The following CSMD3 variants were observed in gnomAD, a reference collection of about 807,000 sequenced individuals.
The protein encoded by CSMD3 is CUB and Sushi multiple domains 3.
A neutral mutation model predicts 435.2 loss-of-function variants in CSMD3; 177 were observed. The ratio of observed to expected loss-of-function variants is 0.41; its 90% CI spans 0.36 to 0.46. CSMD3 has a LOEUF of 0.46. Among genes scored for constraint, CSMD3 ranks in the 20% least tolerant of loss-of-function variants. The pLI is 0.34. For synonymous variants in CSMD3, 1,656 were observed against 1,520.5 expected (o/e 1.09, Z -2.07); for missense variants, 4,265 against 4,504.6 (o/e 0.95, Z 1.52).
intron 22 of CSMD3, among the ~76,000 whole-genome samples, chr8:112,631,792 T>C (rs764716009): frequency 2.0e-5 from 3 of 151,906 alleles, no homozygotes; most frequent in Non-Finnish European, 4.4e-5. Flanking sequence ...GCACTTTTCT[T>C]TCATCTTAAA....
At chr8:112,802,150 G>A (rs531455421) in intron 12 of CSMD3, among the ~76,000 whole-genome samples, 2 of 151,680 alleles carry the variant, frequency 1.3e-5, no homozygotes, top group African/African-American at 4.8e-5. Context: ...ATTTTCTGAT[G>A]TCAAAAATTA....
At chr8:112,795,054 C>A (rs2078793672) in intron 13 of CSMD3, among the ~76,000 whole-genome samples, 1 of 152,004 alleles carries the variant, frequency 6.6e-6, no homozygotes. Context: ...TGGCTAGGGT[C>A]TTTCTTACTC....
intron 22 of CSMD3, among the ~76,000 whole-genome samples, chr8:112,590,184 T>G (rs1831063626): frequency 6.6e-6 from 1 of 152,012 alleles, no homozygotes; most frequent in Admixed American, 6.6e-5. Flanking sequence ...TACTGGGTGG[T>G]GAGGGGAATA....
intron 5 of CSMD3, among the ~76,000 whole-genome samples, chr8:113,091,568 C>A (rs765121480): frequency 2.0e-5 from 3 of 151,972 alleles, no homozygotes; most frequent in Non-Finnish European, 2.9e-5. Context: ...TAGTTAATCA[C>A]AGCAGCCACT....
chr8:112,227,869 CGTCT>C (rs1431669653), intron 70 of CSMD3, among the ~76,000 whole-genome samples: 1 of 151,928 alleles, frequency 6.6e-6, no homozygotes, highest in Non-Finnish European at 1.5e-5. Flanking sequence ...GGTGAAACCC[CGTCT>C]CTACTAAAAA....
chr8:112,684,947 T>C (rs933810582), intron 15 of CSMD3, among the ~76,000 whole-genome samples: 1 of 152,170 alleles, frequency 6.6e-6, no homozygotes, highest in African/African-American at 2.4e-5. Context: ...ATGATGCTAC[T>C]GTAGCCATGT....
At chr8:112,405,051 G>T (rs1287386093) in intron 35 of CSMD3, among the ~76,000 whole-genome samples, 2 of 149,708 alleles carry the variant, frequency 1.3e-5, no homozygotes, top group African/African-American at 2.5e-5. Flanking sequence ...GCTGGGCATG[G>T]TAGTGCACGC....
At chr8:112,748,789 T>A (rs533384618) in intron 13 of CSMD3, among the ~76,000 whole-genome samples, 1 of 152,214 alleles carries the variant, frequency 6.6e-6, no homozygotes, top group Non-Finnish European at 1.5e-5. Context: ...TGAACAGTGC[T>A]GCAATGAACA....
intron 1 of CSMD3, among the ~76,000 whole-genome samples, chr8:113,363,295 T>TGATAAAGG (rs778844593): frequency 0.64 from 97,069 of 152,094 alleles, 32,521 homozygotes; most frequent in Admixed American, 0.75. Flanking sequence ...CGCGTGTTTG[T>TGATAAAGG]ATATTTCAAA....
rs1588314532 is a variant in CSMD3 at position 113,226,158 on chromosome 8, C to T, written c.515-52242G>A. 2.0e-5 allele frequency among the ~76,000 whole-genome samples: 3 copies of T among 151,552 alleles called. 1 individual carries two copies. The highest frequency in any genetic ancestry group is 4.2e-4 in the South Asian group (2 of 4,814). On this transcript the variant is annotated intron_variant, in intron 3 of 70. Transcript: ENST00000297405. Reference sequence around the variant, plus strand: ...AATTACCCAGCCTTGGGCAGTTCTTCGTAGCAGCGGTGAGAATGGACTAAT... The same window carrying T: ...AATTACCCAGCCTTGGGCAGTTCTTTGTAGCAGCGGTGAGAATGGACTAAT...
chr8:113,101,418 C>T (rs1410995302), intron 4 of CSMD3, among the ~76,000 whole-genome samples: 5 of 152,000 alleles, frequency 3.3e-5, no homozygotes, highest in Non-Finnish European at 7.4e-5. Flanking sequence ...AAAATGCAGT[C>T]CTTTGGGTTC....
chr8:113,076,599 C>A (rs2089347762), intron 5 of CSMD3, among the ~76,000 whole-genome samples: 1 of 151,988 alleles, frequency 6.6e-6, no homozygotes. Flanking sequence ...ATAGAGCTAT[C>A]ACATTATACA....
chr8:112,722,002 C>T (rs2076868394), intron 13 of CSMD3, among the ~76,000 whole-genome samples: 1 of 151,856 alleles, frequency 6.6e-6, no homozygotes, highest in African/African-American at 2.4e-5. Context: ...CTGCAGCTTT[C>T]AAAATGTATA....
chr8:112,599,638 A>G (rs1203721639), intron 22 of CSMD3, among the ~76,000 whole-genome samples: 2 of 151,688 alleles, frequency 1.3e-5, no homozygotes, highest in Admixed American at 6.6e-5. Flanking sequence ...AACAGTGATA[A>G]ACTGGATTAA....
At chr8:113,406,481 T>G (rs1334768379) in intron 1 of CSMD3, among the ~76,000 whole-genome samples, 1 of 152,014 alleles carries the variant, frequency 6.6e-6, no homozygotes, top group East Asian at 1.9e-4. Context: ...AACAATAGGT[T>G]ACTAAGAACA....
chr8:113,336,724 C>G (rs2094077912), intron 1 of CSMD3, among the ~76,000 whole-genome samples: 1 of 152,068 alleles, frequency 6.6e-6, no homozygotes. Flanking sequence ...CACTAGATCT[C>G]TTTTGACACC....
intron 1 of CSMD3, among the ~76,000 whole-genome samples, chr8:113,435,949 T>C (rs1347257710): frequency 6.6e-6 from 1 of 152,082 alleles, no homozygotes; most frequent in Non-Finnish European, 1.5e-5. Flanking sequence ...TCACTCTACC[T>C]GTCTGAACGC....
intron 58 of CSMD3, among the ~76,000 whole-genome samples, chr8:112,284,042 C>T (rs991443444): frequency 6.6e-6 from 1 of 151,596 alleles, no homozygotes; most frequent in African/African-American, 2.4e-5. Flanking sequence ...ATAAAAAATA[C>T]CTAAAACATT....
intron 4 of CSMD3, among the ~76,000 whole-genome samples, chr8:113,121,248 A>G (rs1429995395): frequency 6.6e-6 from 1 of 152,096 alleles, no homozygotes; most frequent in African/African-American, 2.4e-5. Flanking sequence ...CAAGATTAAC[A>G]AAAGAATTAG....
Sources: gnomAD v4.1 joint callset for allele counts (sites outside exome capture counted in the v4.1 genomes callset) on GRCh38, gnomAD v4.1.1 for gene constraint, MANE v1.5 for transcripts, NCBI Gene and HGNC (gene_info 2026-07-23, HGNC 2026-07-21) for gene names.